The following PABPC1L variants were observed in gnomAD, a reference collection of about 807,000 sequenced individuals.
PABPC1L encodes polyadenylate-binding protein 1-like.
In PABPC1L, 31 loss-of-function variants were observed where a neutral mutation model predicts 66.6. The observed-to-expected ratio is 0.47, with a 90% CI of 0.35 to 0.63. The LOEUF is 0.63. PABPC1L is among the 20% of genes least tolerant of loss of function. The pLI is 0.00. For missense variants in PABPC1L, 722 were observed against 848.8 expected (o/e 0.85, Z 1.86); for synonymous variants, 348 against 335.1 (o/e 1.04, Z -0.42).
chr20:44,935,280 T>C, intron 10 of PABPC1L, 111 bp from the exon 11 acceptor site: 2 of 765,860 alleles, frequency 2.6e-6, no homozygotes, highest in East Asian at 2.7e-5. Context: ...TTCTTTACAT[T>C]CTTGTCAACG....
intron 12 of PABPC1L, 120 bp from the exon 13 acceptor site, chr20:44,937,941 T>A: frequency 7.3e-7 from 1 of 1,366,348 alleles, no homozygotes; most frequent in Non-Finnish European, 1.0e-6. Flanking sequence ...TGTCATAGCC[T>A]AGAAGGAGCA....
chr20:44,919,141 G>A, intron 4 of PABPC1L, 42 bp from the exon 5 acceptor site: 1 of 1,614,054 alleles, frequency 6.2e-7, no homozygotes, highest in Non-Finnish European at 8.5e-7. Context: ...GTTTCCTGAG[G>A]ACTTCCCAGA....
At position 44,910,473 on chromosome 20, in the gene PABPC1L, G is replaced by A. The variant is rs187137489; in HGVS notation, c.193+137G>A. On this transcript the variant is annotated intron_variant, in intron 1 of 14. Transcript: ENST00000217073. ...AACTGAGGCTCAAAGATAACAGGGC[G>A]TTGGCAGAGGCCTGGCCCCTGAGAC... 11 of 1,003,772 alleles carry A rather than the reference G, an allele frequency of 1.1e-5. No individual in the cohort carries two copies. In the Admixed American group the frequency reaches 1.9e-4, roughly 17 times the overall value. The allele number at this position is 1,003,772 out of a possible 1,614,324, so 62.2% of individuals were successfully genotyped here. A position where few individuals can be genotyped will look rare whatever the true frequency, so the allele number is the denominator to read the frequency against.
chr20:44,923,669 G>A (rs188759412), intron 6 of PABPC1L, among the ~76,000 whole-genome samples: 10 of 152,186 alleles, frequency 6.6e-5, no homozygotes, highest in African/African-American at 2.2e-4. Flanking sequence ...AAATGTATGG[G>A]AAAGCTTAGA....
At position 44,916,778 on chromosome 20, in the gene PABPC1L, C is replaced by T. The variant is rs1318997479; in HGVS notation, c.410C>T (p.Ser137Phe). The change falls in exon 3 of 15, where the codon TCC becomes TTC. Residue 137 changes from serine (S) to phenylalanine (F), a missense_variant. Physicochemically the swap from Ser to Phe is radical, Grantham distance 155. Transcript: ENST00000217073. The part of the protein sequence containing the change: ...SCKVACDEHG[S>F]RGFGFVHFET... ...CAGGTGGCGTGTGACGAGCATGGCT[C>T]CCGGGGTTTCGGCTTTGTCCATTTT... The T allele has an allele frequency of 3.7e-6, 6 of 1,614,204 alleles. No homozygotes were observed. The highest frequency in any genetic ancestry group is 2.2e-5 in the East Asian group (1 of 44,878).
At chr20:44,936,808 C>A in intron 12 of PABPC1L, 78 bp downstream of exon 12, 2 of 1,410,718 alleles carry the variant, frequency 1.4e-6, no homozygotes, top group East Asian at 2.4e-5. Flanking sequence ...AACACCTCAC[C>A]TGGTGGTCCA....
At chr20:44,927,063 T>G (rs1483864745) in intron 7 of PABPC1L, among the ~76,000 whole-genome samples, 1 of 151,636 alleles carries the variant, frequency 6.6e-6, no homozygotes, top group Admixed American at 6.6e-5. Flanking sequence ...AATTTTTTTT[T>G]GGTAGAAATT....
rs762490644 is a variant in PABPC1L, at chr20:44,938,096, A to G, written c.1696A>G (p.Thr566Ala). The change falls in exon 13 of 15, where the codon ACC (threonine) becomes GCC (alanine). Residue 566 changes from threonine (T) to alanine (A), a missense_variant. By Grantham distance (58) the Thr-to-Ala change is moderately conservative (BLOSUM62 0). This residue lies in a region of PABPC1L where 301 missense variants were observed against 337.2 expected (regional missense o/e 0.89). Coordinates refer to ENST00000217073, the MANE Select transcript of PABPC1L (RefSeq NM_001372179.1). ...CTACCCCCTTATCCATGATGTCCAC[A>G]CCCAGCTGGCTGGCAAGATCACGGG... ...RLYPLIHDVHTQLAGKITGML... is the reference protein window; with the variant it reads ...RLYPLIHDVHAQLAGKITGML... The G allele has an allele frequency of 6.2e-7, 1 of 1,614,140 alleles. No individual in the cohort carries two copies. The highest frequency in any genetic ancestry group is 8.5e-7 in the Non-Finnish European group (1 of 1,180,014).
At chr20:44,921,919 T>C (rs2066777039) in intron 6 of PABPC1L, among the ~76,000 whole-genome samples, 188 bp downstream of exon 6, 1 of 152,176 alleles carries the variant, frequency 6.6e-6, no homozygotes, top group African/African-American at 2.4e-5. Context: ...ACAACCCAAC[T>C]GTCCAACCAT....
chr20:44,933,568 C>G lies in PABPC1L; in HGVS notation c.1459+383C>G, dbSNP rs998597794. On this transcript the variant is annotated intron_variant, in intron 10 of 14. Transcript: ENST00000217073. ...TCAAGCGATTGTCCTGCCTCAGCTTCCCAAGTAGCTGGGATTGTAGGCATG... is the reference window on the plus strand; with the variant it reads ...TCAAGCGATTGTCCTGCCTCAGCTTGCCAAGTAGCTGGGATTGTAGGCATG... Among the ~76,000 whole-genome samples the G allele has an allele frequency of 2.0e-5, 3 of 151,622 alleles. No individual in the cohort carries two copies. In the South Asian group the frequency reaches 6.3e-4, roughly 32 times the overall value.
At position 44,936,710 on chromosome 20, in the gene PABPC1L, A is replaced by G; in HGVS notation, c.1640A>G (p.His547Arg). ...TASMLAAAPL[H>R]EQKQMIGERL... ...TCCATGCTGGCTGCGGCGCCCCTGC[A>G]TGAGCAAAAGCAGATGATTGGTGAG... is the stretch of plus-strand genomic sequence containing the variant. Residue 547 changes from histidine (H) to arginine (R), a missense_variant, in exon 12 of 15, where the codon CAT becomes CGT. By Grantham distance (29) the His-to-Arg change is conservative. This residue lies in a region of PABPC1L where 301 missense variants were observed against 337.2 expected (regional missense o/e 0.89). Transcript: ENST00000217073. 6.8e-6 allele frequency: 11 copies of G among 1,608,450 alleles called. No individual in the cohort carries two copies. The highest frequency in any genetic ancestry group is 9.3e-6 in the Non-Finnish European group (11 of 1,178,226).
chr20:44,922,384 C>T (rs1371637958), intron 6 of PABPC1L, among the ~76,000 whole-genome samples: 3 of 151,950 alleles, frequency 2.0e-5, no homozygotes, highest in Admixed American at 6.6e-5. Flanking sequence ...ATTACAGGTG[C>T]GTGCCACCAT....
intron 9 of PABPC1L, 29 bp downstream of exon 9, chr20:44,932,461 G>A: frequency 6.3e-7 from 1 of 1,585,866 alleles, no homozygotes; most frequent in Non-Finnish European, 8.6e-7. Context: ...TCCACTCTCA[G>A]ACTGGCCTAT....
intron 2 of PABPC1L, among the ~76,000 whole-genome samples, chr20:44,914,798 A>G (rs1214471886): frequency 6.6e-6 from 1 of 152,224 alleles, no homozygotes; most frequent in Non-Finnish European, 1.5e-5. Flanking sequence ...GCATACATGT[A>G]TACTCCTTAA....
chr20:44,915,940 A>G (rs753357847), intron 2 of PABPC1L, among the ~76,000 whole-genome samples: 1 of 152,170 alleles, frequency 6.6e-6, no homozygotes, highest in Non-Finnish European at 1.5e-5. Context: ...AGTAATATGA[A>G]TACATTTTAT....
chr20:44,918,669 G>T (rs770378102), intron 3 of PABPC1L, among the ~76,000 whole-genome samples: 1 of 152,160 alleles, frequency 6.6e-6, no homozygotes, highest in Admixed American at 6.5e-5. Context: ...TGCATTTGTC[G>T]CAAGAATGAA....
rs761790341 is a variant in PABPC1L, at chr20:44,921,688, G to T, written c.833G>T (p.Arg278Leu). Residue 278 changes from arginine to leucine, a missense_variant, in exon 6 of 15, where the codon CGC (arginine) becomes CTC (leucine). Around this residue, in one of 3 missense-constraint regions of PABPC1L, gnomAD observed 137 missense variants for 216.8 expected, o/e 0.63. Transcript: ENST00000217073. ...GTGGAGCGGCAGAATGAACTGAAGC[G>T]CAGGTTTGAGCAGATGAAGCAGGAC... The part of the protein sequence containing the change: ...KRVERQNELK[R>L]RFEQMKQDRL... The T allele has an allele frequency of 1.9e-6, 3 of 1,613,762 alleles. No homozygotes were observed. Among genetic ancestry groups the T allele is most frequent in the Non-Finnish European group, 2.5e-6 (3 of 1,179,934 alleles).
Position 44,935,405 on chromosome 20 carries a change from C to A in PABPC1L, c.1474C>A (p.Gln492Lys). The change falls in exon 11 of 15, where the codon CAG becomes AAG. Residue 492 changes from glutamine to lysine, a missense_variant. Gln to Lys is a moderately conservative substitution (Grantham distance 53). Transcript: ENST00000217073. The stretch of plus-strand genomic sequence containing the variant: ...TTGTTTTGCAGCCAACATTGGTACT[C>A]AGACCACAGGACCCAGTGGGGTAGG... ...HTQRVANIGT[Q>K]TTGPSGVGCC... 6.2e-7 allele frequency: 1 copy of A among 1,614,036 alleles called. No individual in the cohort carries two copies. The highest frequency in any genetic ancestry group is 1.1e-5 in the South Asian group (1 of 91,066).
intron 7 of PABPC1L, among the ~76,000 whole-genome samples, chr20:44,926,237 T>G (rs976548600): frequency 2.6e-5 from 4 of 152,130 alleles, no homozygotes; most frequent in Non-Finnish European, 5.9e-5. Context: ...TATCTATTTT[T>G]TGTGTGTGTG....
Sources: gnomAD v4.1 joint callset for allele counts (sites outside exome capture counted in the v4.1 genomes callset) on GRCh38, gnomAD v4.1.1 for gene constraint, gnomAD v4.1.1 regional missense constraint, MANE v1.5 for transcripts, NCBI Gene and HGNC (gene_info 2026-07-23, HGNC 2026-07-21) for gene names.